Variants in CTNNA3 observed in about 807,000 individuals in gnomAD.
The protein encoded by CTNNA3 is catenin alpha 3.
CTNNA3 carries 76 observed loss-of-function variants against 95.7 expected under a neutral mutation model. The ratio of observed to expected loss-of-function variants is 0.79; its 90% CI spans 0.66 to 0.96. The LOEUF is 0.96. Among genes scored for constraint, CTNNA3 ranks in the 40% least tolerant of loss-of-function variants. The probability of loss-of-function intolerance (pLI) is 0.00; values close to 1 mark genes in which losing one functional copy is unlikely to be tolerated. For missense variants in CTNNA3, 1,191 were observed against 1,089.8 expected, an observed-to-expected ratio of 1.09 and a Z score of -1.31; for synonymous variants, 431 against 374.4, an observed-to-expected ratio of 1.15 and a Z score of -1.74.
intron 10 of CTNNA3, among the ~76,000 whole-genome samples, chr10:66,531,851 G>A (rs922266929): frequency 5.9e-5 from 9 of 151,920 alleles, no homozygotes; most frequent in Non-Finnish European, 7.4e-5. Flanking sequence ...AACTGGCAAT[G>A]ATGAAAAAAT....
At chr10:66,512,829 A>G (rs1840709090) in intron 11 of CTNNA3, among the ~76,000 whole-genome samples, 1 of 152,092 alleles carries the variant, frequency 6.6e-6, no homozygotes, top group Non-Finnish European at 1.5e-5. Context: ...TGAATATATC[A>G]TCCTATCCTC....
intron 7 of CTNNA3, among the ~76,000 whole-genome samples, chr10:67,122,958 T>C (rs1199378576): frequency 2.0e-5 from 3 of 152,134 alleles, no homozygotes; most frequent in Non-Finnish European, 4.4e-5. Context: ...TGTTTGTTGT[T>C]ACTCTAAAGG....
intron 15 of CTNNA3, among the ~76,000 whole-genome samples, chr10:66,041,443 AT>A (rs563135098): frequency 1.9e-3 from 296 of 152,348 alleles, no homozygotes; most frequent in Non-Finnish European, 3.3e-3. Context: ...TCACTGTACT[AT>A]GGTTATGTAA....
At chr10:66,433,567 C>A (rs1044689508) in intron 11 of CTNNA3, among the ~76,000 whole-genome samples, 5 of 152,256 alleles carry the variant, frequency 3.3e-5, no homozygotes, top group African/African-American at 1.2e-4. Context: ...GGATAGATTG[C>A]AAAAATTTTC....
At chr10:66,982,208 C>T (rs1354442639) in intron 7 of CTNNA3, among the ~76,000 whole-genome samples, 1 of 152,082 alleles carries the variant, frequency 6.6e-6, no homozygotes, top group Non-Finnish European at 1.5e-5. Context: ...GAGAATGAGC[C>T]CCTTTAAGGG....
chr10:67,286,938 G>A (rs951613164), intron 5 of CTNNA3, among the ~76,000 whole-genome samples: 1 of 152,120 alleles, frequency 6.6e-6, no homozygotes, highest in African/African-American at 2.4e-5. Context: ...CCTTACCCTA[G>A]CTGCAAACCT....
At chr10:66,656,547 T>C (rs1427259225) in intron 9 of CTNNA3, among the ~76,000 whole-genome samples, 1 of 152,054 alleles carries the variant, frequency 6.6e-6, no homozygotes, top group Non-Finnish European at 1.5e-5. Context: ...GACTTGCTAG[T>C]TTATGTAAAG....
chr10:66,691,310 C>T (rs1325836121), intron 9 of CTNNA3, among the ~76,000 whole-genome samples: 1 of 152,182 alleles, frequency 6.6e-6, no homozygotes, highest in Non-Finnish European at 1.5e-5. Context: ...AGATTATATC[C>T]CACACATGGC....
intron 15 of CTNNA3, among the ~76,000 whole-genome samples, chr10:66,005,742 G>A (rs1274247128): frequency 6.6e-6 from 1 of 151,946 alleles, no homozygotes; most frequent in African/African-American, 2.4e-5. Flanking sequence ...CCTCTTCTAG[G>A]GTAGATGAGA....
At chr10:66,864,729 TCTCATA>T (rs1228350595) in intron 7 of CTNNA3, among the ~76,000 whole-genome samples, 2 of 152,122 alleles carry the variant, frequency 1.3e-5, no homozygotes, top group African/African-American at 4.8e-5. Context: ...CAATAGAACG[TCTCATA>T]CTCAAATTCT....
intron 5 of CTNNA3, among the ~76,000 whole-genome samples, chr10:67,250,697 T>A (rs1031522494): frequency 6.6e-6 from 1 of 152,120 alleles, no homozygotes; most frequent in African/African-American, 2.4e-5. Flanking sequence ...GCCATCTCTA[T>A]ACAAATAGAT....
intron 7 of CTNNA3, among the ~76,000 whole-genome samples, chr10:67,041,565 G>T (rs1378159844): frequency 6.6e-6 from 1 of 151,996 alleles, no homozygotes; most frequent in African/African-American, 2.4e-5. Flanking sequence ...TATAGTAATT[G>T]ACTGGCTCAT....
At chr10:67,113,236 ATTTT>A (rs576458871) in intron 7 of CTNNA3, among the ~76,000 whole-genome samples, 1 of 152,122 alleles carries the variant, frequency 6.6e-6, no homozygotes, top group Non-Finnish European at 1.5e-5. Context: ...CTTTAAAAGA[ATTTT>A]TTTTATTTTT....
intron 7 of CTNNA3, among the ~76,000 whole-genome samples, chr10:66,996,239 A>G (rs1292524143): frequency 6.6e-6 from 1 of 152,192 alleles, no homozygotes; most frequent in Non-Finnish European, 1.5e-5. Context: ...AATGCATTAA[A>G]AATTTTAACG....
At chr10:66,097,800 G>A (rs904295562) in intron 14 of CTNNA3, among the ~76,000 whole-genome samples, 9 of 152,066 alleles carry the variant, frequency 5.9e-5, no homozygotes, top group South Asian at 2.1e-4. Context: ...TACGACTGCT[G>A]CCCCTATTGC....
intron 5 of CTNNA3, among the ~76,000 whole-genome samples, chr10:67,497,210 G>T (rs1839053628): frequency 6.6e-6 from 1 of 152,104 alleles, no homozygotes; most frequent in African/African-American, 2.4e-5. Flanking sequence ...GTAATAGTTT[G>T]CTGAGAATAA....
chr10:66,323,158 C>T (rs778728393), intron 12 of CTNNA3, among the ~76,000 whole-genome samples: 2 of 151,888 alleles, frequency 1.3e-5, no homozygotes, highest in African/African-American at 2.4e-5. Flanking sequence ...TTTAATGATA[C>T]AGGAGGTAAA....
At chr10:67,279,184 G>C (rs1839299743) in intron 5 of CTNNA3, among the ~76,000 whole-genome samples, 1 of 152,018 alleles carries the variant, frequency 6.6e-6, no homozygotes, top group Non-Finnish European at 1.5e-5. Flanking sequence ...TAGAGTCTAA[G>C]CAACACCAAG....
At chr10:66,247,439 G>C (rs114903880) in intron 13 of CTNNA3, among the ~76,000 whole-genome samples, 1 of 152,106 alleles carries the variant, frequency 6.6e-6, no homozygotes, top group Admixed American at 6.5e-5. Context: ...AATTCAAAAG[G>C]ATAATTTCAG....
Sources: gnomAD v4.1 joint callset for allele counts (sites outside exome capture counted in the v4.1 genomes callset) on GRCh38, gnomAD v4.1.1 for gene constraint, MANE v1.5 for transcripts, NCBI Gene and HGNC (gene_info 2026-07-23, HGNC 2026-07-21) for gene names.